DTD1: variants seen among roughly 807,000 people sequenced by gnomAD.
DTD1 encodes the protein D-aminoacyl-tRNA deacylase 1, also known as D-tyrosyl-tRNA deacylase 1 homolog.
Under a neutral mutation model 25.6 loss-of-function variants are expected in DTD1, and 13 were observed. The observed-to-expected ratio is 0.51, with a 90% CI of 0.33 to 0.81. DTD1 has a LOEUF of 0.81. Among genes scored for constraint, DTD1 ranks in the 30% least tolerant of loss-of-function variants. The probability of loss-of-function intolerance (pLI) is 0.02; values close to 1 mark genes in which losing one functional copy is unlikely to be tolerated. For missense variants in DTD1, 193 were observed against 266.4 expected, an observed-to-expected ratio of 0.72 and a Z score of 1.92; for synonymous variants, 110 against 103.6, an observed-to-expected ratio of 1.06 and a Z score of -0.37.
intron 4 of DTD1, among the ~76,000 whole-genome samples, chr20:18,688,104 G>T (rs1042256614): frequency 6.6e-6 from 1 of 152,110 alleles, no homozygotes; most frequent in Non-Finnish European, 1.5e-5. Flanking sequence ...CCCATGCATG[G>T]TCCATCTATA....
At chr20:18,702,564 C>T (rs2122461283) in intron 4 of DTD1, among the ~76,000 whole-genome samples, 1 of 152,186 alleles carries the variant, frequency 6.6e-6, no homozygotes, top group Middle Eastern at 3.4e-3. Flanking sequence ...TTTAACTCCT[C>T]AGTAATATCA....
chr20:18,647,670 A>G (rs1485823922), intron 4 of DTD1, among the ~76,000 whole-genome samples: 1 of 152,156 alleles, frequency 6.6e-6, no homozygotes, highest in Non-Finnish European at 1.5e-5. Flanking sequence ...ATGGAGAGGC[A>G]GCCAGATGTG....
At chr20:18,613,214 A>G (rs548548610) in intron 3 of DTD1, among the ~76,000 whole-genome samples, 1 of 152,306 alleles carries the variant, frequency 6.6e-6, no homozygotes, top group Admixed American at 6.5e-5. Flanking sequence ...AAGACACTTT[A>G]TCTGTCAGCC....
chr20:18,719,196 G>C (rs987664023), intron 4 of DTD1, among the ~76,000 whole-genome samples: 14 of 151,890 alleles, frequency 9.2e-5, no homozygotes, highest in Admixed American at 2.6e-4. Context: ...TTGTAAGTTG[G>C]GGATTGTCTA....
chr20:18,610,572 A>T (rs920817545), intron 3 of DTD1, among the ~76,000 whole-genome samples: 2 of 152,232 alleles, frequency 1.3e-5, no homozygotes, highest in Non-Finnish European at 2.9e-5. Context: ...TTACAATTTA[A>T]TGCATTTTGG....
At chr20:18,668,181 T>A (rs541701783) in intron 4 of DTD1, among the ~76,000 whole-genome samples, 1 of 152,366 alleles carries the variant, frequency 6.6e-6, no homozygotes, top group South Asian at 2.1e-4. Flanking sequence ...ATACCAGATG[T>A]CTGTAGTACC....
At chr20:18,639,805 G>A (rs6045530) in intron 4 of DTD1, among the ~76,000 whole-genome samples, 77,362 of 151,972 alleles carry the variant, frequency 0.51, 20,063 homozygotes, top group Middle Eastern at 0.57. Flanking sequence ...GGAAAGATCT[G>A]AGTTTGTGGC....
intron 4 of DTD1, among the ~76,000 whole-genome samples, chr20:18,704,453 G>T (rs2061118024): frequency 1.3e-5 from 2 of 152,158 alleles, no homozygotes; most frequent in Non-Finnish European, 2.9e-5. Context: ...AAGGGTGTGT[G>T]CAAGGGGTGG....
chr20:18,737,519 T>G (rs1256906125), intron 4 of DTD1, among the ~76,000 whole-genome samples: 1 of 152,230 alleles, frequency 6.6e-6, no homozygotes, highest in Non-Finnish European at 1.5e-5. Flanking sequence ...TTTGCTGGGC[T>G]TCCCCTGCCT....
At chr20:18,639,744 T>C (rs1004295415) in intron 4 of DTD1, among the ~76,000 whole-genome samples, 4 of 152,230 alleles carry the variant, frequency 2.6e-5, no homozygotes, top group Non-Finnish European at 5.9e-5. Flanking sequence ...AATTTCTTTT[T>C]CTATTTTTAA....
chr20:18,658,189 A>ATGT (rs2060897426), intron 4 of DTD1, among the ~76,000 whole-genome samples: 1 of 146,232 alleles, frequency 6.8e-6, no homozygotes, highest in Non-Finnish European at 1.5e-5. Context: ...AGAGTCTGAG[A>ATGT]TGTGTGTGTG....
At chr20:18,615,792 C>T (rs1218696844) in intron 3 of DTD1, among the ~76,000 whole-genome samples, 3 of 152,264 alleles carry the variant, frequency 2.0e-5, no homozygotes, top group South Asian at 2.1e-4. Context: ...TGGACAGACA[C>T]GTCAGGAGGG....
intron 4 of DTD1, among the ~76,000 whole-genome samples, chr20:18,635,546 A>T (rs1398188694): frequency 1.1e-4 from 16 of 151,906 alleles, no homozygotes. Flanking sequence ...GGAGCTCCTG[A>T]CCTCACTCAG....
intron 4 of DTD1, chr20:18,632,375 C>T (rs2060792033): frequency 3.0e-6 from 3 of 985,296 alleles, no homozygotes; most frequent in Non-Finnish European, 3.6e-6. Flanking sequence ...TGCGCTCTGC[C>T]CCTAGCTCTC....
rs146998838 is a variant in DTD1, at chr20:18,639,169, G to GTT, written c.477+10945_477+10946dup. ...CACAAAAGCCAGAACTTGTTTGATG[G>GTT]TTTTTTTTTTAAGAAAAAAAAAAAA... On this transcript the variant is annotated intron_variant, in intron 4 of 5. Coordinates refer to ENST00000377452, the MANE Select transcript of DTD1 (RefSeq NM_080820.6). Among the ~76,000 whole-genome samples, 20 of 124,266 alleles carry GTT rather than the reference G, an allele frequency of 1.6e-4. 1 individual carries two copies. Among genetic ancestry groups the GTT allele is most frequent in the Middle Eastern group, 4.2e-3 (1 of 238 alleles). 81.5% of individuals were successfully genotyped at this position (124,266 alleles called of 152,430 possible).
At chr20:18,727,837 T>G (rs565056162) in intron 4 of DTD1, among the ~76,000 whole-genome samples, 1 of 152,236 alleles carries the variant, frequency 6.6e-6, no homozygotes, top group Non-Finnish European at 1.5e-5. Flanking sequence ...ACTTCAGTCC[T>G]TATTTCCATG....
chr20:18,640,654 G>C (rs1226323283), intron 4 of DTD1, among the ~76,000 whole-genome samples: 5 of 145,122 alleles, frequency 3.4e-5, no homozygotes, highest in Non-Finnish European at 6.0e-5. Context: ...TTTTTAAGAC[G>C]GAGTCTCGCT....
intron 4 of DTD1, among the ~76,000 whole-genome samples, chr20:18,706,563 G>A (rs1242140929): frequency 6.6e-6 from 1 of 152,092 alleles, no homozygotes; most frequent in Non-Finnish European, 1.5e-5. Context: ...GGCAAATTGG[G>A]CCTTCTTTAA....
chr20:18,611,847 A>T (rs1032301376), intron 3 of DTD1, among the ~76,000 whole-genome samples: 3 of 151,782 alleles, frequency 2.0e-5, no homozygotes, highest in African/African-American at 2.4e-5. Flanking sequence ...TGTTTTTTTA[A>T]AATTATTATT....
Sources: allele counts gnomAD v4.1 joint callset (sites outside exome capture counted in the v4.1 genomes callset), GRCh38; gene constraint gnomAD v4.1.1; transcripts MANE v1.5; gene names NCBI Gene and HGNC (gene_info 2026-07-23, HGNC 2026-07-21).